The following L3MBTL4 variants were observed in gnomAD, a reference collection of about 807,000 sequenced individuals.
L3MBTL4 encodes the protein lethal(3)malignant brain tumor-like protein 4.
Under a neutral mutation model 84.5 loss-of-function variants are expected in L3MBTL4, and 70 were observed. The ratio of observed to expected loss-of-function variants is 0.83; its 90% CI spans 0.68 to 1.01. The LOEUF (loss-of-function observed/expected upper bound fraction) is 1.01. L3MBTL4 is among the 50% of genes least tolerant of loss of function. The pLI is 0.00. For synonymous variants in L3MBTL4, 274 were observed against 259.8 expected, an observed-to-expected ratio of 1.05 and a Z score of -0.52; for missense variants, 715 against 754.8, an observed-to-expected ratio of 0.95 and a Z score of 0.62.
At chr18:6,015,915 G>A (rs1372672708) in intron 16 of L3MBTL4, among the ~76,000 whole-genome samples, 2 of 152,136 alleles carry the variant, frequency 1.3e-5, no homozygotes, top group African/African-American at 4.8e-5. Context: ...AGCCAAGATC[G>A]CACCACTGCA....
intron 1 of L3MBTL4, among the ~76,000 whole-genome samples, chr18:6,353,481 G>A (rs543946729): frequency 2.0e-4 from 31 of 152,082 alleles, no homozygotes; most frequent in African/African-American, 7.0e-4. Flanking sequence ...AACACACTCA[G>A]CAAGTTTCTT....
At chr18:6,314,868 T>G (rs545589110) in intron 1 of L3MBTL4, among the ~76,000 whole-genome samples, 179 of 152,328 alleles carry the variant, frequency 1.2e-3, no homozygotes, top group Non-Finnish European at 2.1e-3. Flanking sequence ...TTGAGGAATA[T>G]GAAGCTGATT....
At chr18:6,095,389 C>G (rs1335901560) in intron 14 of L3MBTL4, among the ~76,000 whole-genome samples, 3 of 140,982 alleles carry the variant, frequency 2.1e-5, no homozygotes, top group African/African-American at 8.6e-5. Context: ...GCTCCGTCGC[C>G]CAGGCTGGAG....
At chr18:6,332,307 C>T (rs1028019423) in intron 1 of L3MBTL4, among the ~76,000 whole-genome samples, 2 of 152,210 alleles carry the variant, frequency 1.3e-5, no homozygotes, top group African/African-American at 2.4e-5. Flanking sequence ...AGAGTTGACA[C>T]GTTCTGAAGA....
chr18:6,272,078 G>C (rs888477399), intron 4 of L3MBTL4, among the ~76,000 whole-genome samples: 2 of 152,216 alleles, frequency 1.3e-5, no homozygotes, highest in Non-Finnish European at 2.9e-5. Flanking sequence ...GCTGTTAAGC[G>C]TATCAGGAGA....
At chr18:6,155,388 G>C (rs1187906960) in intron 13 of L3MBTL4, among the ~76,000 whole-genome samples, 1 of 152,170 alleles carries the variant, frequency 6.6e-6, no homozygotes, top group Non-Finnish European at 1.5e-5. Context: ...GAGGCTACTG[G>C]CTGCTCAGAG....
intron 18 of L3MBTL4, among the ~76,000 whole-genome samples, chr18:5,959,673 G>C (rs1157971293): frequency 6.6e-6 from 1 of 152,140 alleles, no homozygotes; most frequent in East Asian, 1.9e-4. Context: ...AATCCCAAGG[G>C]AGGATTCCTG....
chr18:6,268,978 G>A (rs1406285981), intron 4 of L3MBTL4, among the ~76,000 whole-genome samples: 1 of 152,142 alleles, frequency 6.6e-6, no homozygotes, highest in East Asian at 1.9e-4. Flanking sequence ...GGAAAACTCT[G>A]TATGTAAACA....
At chr18:6,094,851 T>C (rs1407507105) in intron 14 of L3MBTL4, among the ~76,000 whole-genome samples, 1 of 152,142 alleles carries the variant, frequency 6.6e-6, no homozygotes, top group Non-Finnish European at 1.5e-5. Context: ...ATGGCTAAGA[T>C]GATATCAGCC....
chr18:6,116,852 A>T (rs918575464), intron 14 of L3MBTL4, among the ~76,000 whole-genome samples: 2 of 152,244 alleles, frequency 1.3e-5, no homozygotes, highest in Admixed American at 6.5e-5. Context: ...TTCCAGCCTT[A>T]CAAAAGCCCC....
chr18:6,249,684 G>A (rs1449271162), intron 5 of L3MBTL4, among the ~76,000 whole-genome samples: 1 of 152,024 alleles, frequency 6.6e-6, no homozygotes, highest in Non-Finnish European at 1.5e-5. Flanking sequence ...TGAACTGACA[G>A]GTTTTAAAAA....
chr18:6,149,757 C>T (rs2042811698), intron 13 of L3MBTL4, among the ~76,000 whole-genome samples: 1 of 152,168 alleles, frequency 6.6e-6, no homozygotes, highest in African/African-American at 2.4e-5. Context: ...GAGAAATCAG[C>T]CTTTAAGAAA....
At chr18:6,409,940 T>C (rs1375905576) in intron 1 of L3MBTL4, among the ~76,000 whole-genome samples, 1 of 152,080 alleles carries the variant, frequency 6.6e-6, no homozygotes, top group African/African-American at 2.4e-5. Context: ...TCGCCTACCC[T>C]CTAACCCATC....
intron 14 of L3MBTL4, among the ~76,000 whole-genome samples, chr18:6,128,037 G>GA (rs1568166963): frequency 2.3e-5 from 3 of 129,570 alleles, no homozygotes; most frequent in African/African-American, 1.0e-4. Context: ...ATTGGGTGGG[G>GA]CGGGGGAAGA....
intron 4 of L3MBTL4, among the ~76,000 whole-genome samples, chr18:6,287,047 C>T (rs1487433490): frequency 1.3e-5 from 2 of 152,082 alleles, no homozygotes; most frequent in East Asian, 1.9e-4. Context: ...TTTTCTTTTC[C>T]ATAGGCGCCT....
intron 16 of L3MBTL4, among the ~76,000 whole-genome samples, chr18:5,969,788 C>T (rs2052547979): frequency 1.3e-5 from 2 of 152,196 alleles, no homozygotes; most frequent in South Asian, 4.1e-4. Flanking sequence ...AAGACTGTGG[C>T]TGTGTGCCAG....
intron 13 of L3MBTL4, among the ~76,000 whole-genome samples, chr18:6,148,105 C>T (rs2042731082): frequency 6.6e-6 from 1 of 151,960 alleles, no homozygotes; most frequent in Admixed American, 6.6e-5. Context: ...GGATTAGGAA[C>T]AAGAAAGTGA....
intron 16 of L3MBTL4, among the ~76,000 whole-genome samples, chr18:5,981,259 A>T (rs2053198356): frequency 6.6e-6 from 1 of 152,230 alleles, no homozygotes. Context: ...TTTGTTATGC[A>T]AGTAAAAGAA....
chr18:5,989,672 T>C (rs1475206443), intron 16 of L3MBTL4, among the ~76,000 whole-genome samples: 2 of 152,244 alleles, frequency 1.3e-5, no homozygotes, highest in Non-Finnish European at 2.9e-5. Flanking sequence ...ATCTTGTTTA[T>C]GCAGAATTGG....
Sources: allele counts gnomAD v4.1 joint callset (sites outside exome capture counted in the v4.1 genomes callset), GRCh38; gene constraint gnomAD v4.1.1; transcripts MANE v1.5; gene names NCBI Gene and HGNC (gene_info 2026-07-23, HGNC 2026-07-21).